Variants in MIS18A observed in about 807,000 individuals in gnomAD.
MIS18A encodes the protein MIS18 kinetochore protein A.
Under a neutral mutation model 25.0 loss-of-function variants are expected in MIS18A, and 14 were observed. The observed-to-expected ratio is 0.56, with a 90% CI of 0.37 to 0.88. The LOEUF is 0.88. Ranked by LOEUF, MIS18A falls within the 40% of genes least tolerant of loss-of-function variation. The pLI is 0.00. For synonymous variants in MIS18A, 134 were observed against 118.6 expected, an observed-to-expected ratio of 1.13 and a Z score of -0.84; for missense variants, 292 against 290.8, an observed-to-expected ratio of 1.00 and a Z score of -0.03.
At chr21:32,249,397 A>G in the MIS18A span, among the ~76,000 whole-genome samples, 2 of 152,188 alleles carry the variant, frequency 1.3e-5, no homozygotes, top group Non-Finnish European at 2.9e-5. Flanking sequence ...AGGTGCAGTG[A>G]GCATGCCGCG....
the MIS18A span, among the ~76,000 whole-genome samples, chr21:32,165,307 A>G: frequency 6.6e-6 from 1 of 152,156 alleles, no homozygotes; most frequent in Non-Finnish European, 1.5e-5. Context: ...CTGGGCAACA[A>G]GAATGAAACA....
the MIS18A span, among the ~76,000 whole-genome samples, chr21:32,255,394 C>A: frequency 6.6e-6 from 1 of 151,814 alleles, no homozygotes; most frequent in Non-Finnish European, 1.5e-5. Flanking sequence ...CAATGCCCGG[C>A]TAATTTTTGT....
At position 32,268,808 on chromosome 21, in the gene MIS18A, G is replaced by A; in HGVS notation, c.*229C>T. 1 of 352,908 alleles carries A rather than the reference G, an allele frequency of 2.8e-6. No individual in the cohort carries two copies. Among genetic ancestry groups the A allele is most frequent in the Non-Finnish European group, 5.2e-6 (1 of 192,708 alleles). The allele number at this position is 352,908 out of a possible 1,614,324, so 21.9% of individuals were successfully genotyped here. On this transcript the variant is annotated 3_prime_UTR_variant, in exon 5 of 5. Transcript: ENST00000290130. ...CTACAATTTTGGGTTTTTTTTTTGA[G>A]AGAAGGTCTCACTCTGTTGCCCAGA...
chr21:32,220,638 T>C, the MIS18A span, among the ~76,000 whole-genome samples: 9 of 152,104 alleles, frequency 5.9e-5, no homozygotes, highest in East Asian at 2.0e-4. Context: ...GTTTGACAAA[T>C]TGACAGAAGC....
At chr21:32,214,233 T>C in the MIS18A span, among the ~76,000 whole-genome samples, 1 of 152,118 alleles carries the variant, frequency 6.6e-6, no homozygotes, top group African/African-American at 2.4e-5. Context: ...AAACCCCCAT[T>C]CTCAGATGGG....
At chr21:32,157,223 A>ATTTTTTTTTGTTTTTTTTTTT in the MIS18A span, among the ~76,000 whole-genome samples, 1 of 72,334 alleles carries the variant, frequency 1.4e-5, no homozygotes, top group Non-Finnish European at 2.4e-5. Flanking sequence ...TACCCGGCTA[A>ATTTTTTTTTGTTTTTTTTTTT]TTTTTTTTTT....
At chr21:32,264,955 A>G (rs1310962022), downstream of MIS18A, among the ~76,000 whole-genome samples, 1 of 152,214 alleles carries the variant, frequency 6.6e-6, no homozygotes, top group Non-Finnish European at 1.5e-5. Context: ...AACAGGCACA[A>G]TGTTCTACAA....
chr21:32,204,453 C>T, the MIS18A span, among the ~76,000 whole-genome samples: 9 of 151,530 alleles, frequency 5.9e-5, no homozygotes, highest in African/African-American at 9.7e-5. Flanking sequence ...GCCAAGATCC[C>T]GCCACCGCAC....
chr21:32,245,277 A>G, the MIS18A span, among the ~76,000 whole-genome samples: 3 of 152,230 alleles, frequency 2.0e-5, no homozygotes, highest in Admixed American at 1.3e-4. Flanking sequence ...GGCATCAGTC[A>G]TCGCACTGGG....
the MIS18A span, among the ~76,000 whole-genome samples, chr21:32,233,823 G>A: frequency 1.3e-5 from 2 of 152,120 alleles, no homozygotes; most frequent in South Asian, 4.2e-4. Context: ...ATTGATCCAA[G>A]GAGGAAGACG....
chr21:32,258,256 C>T, the MIS18A span, among the ~76,000 whole-genome samples: 1 of 152,028 alleles, frequency 6.6e-6, no homozygotes, highest in Non-Finnish European at 1.5e-5. Context: ...AATGCTAGTG[C>T]CTTGGGGAAA....
chr21:32,201,768 C>T, the MIS18A span, among the ~76,000 whole-genome samples: 1 of 151,992 alleles, frequency 6.6e-6, no homozygotes, highest in East Asian at 1.9e-4. Flanking sequence ...GAGCTATGAT[C>T]ATGCCATTGC....
At chr21:32,204,333 C>T in the MIS18A span, among the ~76,000 whole-genome samples, 3 of 151,882 alleles carry the variant, frequency 2.0e-5, no homozygotes, top group Non-Finnish European at 4.4e-5. Context: ...CCCATTGCTA[C>T]TAAAACTACA....
the MIS18A span, among the ~76,000 whole-genome samples, chr21:32,227,947 G>T: frequency 1.3e-5 from 2 of 152,138 alleles, no homozygotes; most frequent in Admixed American, 1.3e-4. Context: ...AAACCACATG[G>T]TCATCTCAGT....
At chr21:32,253,929 T>C in the MIS18A span, among the ~76,000 whole-genome samples, 1 of 151,754 alleles carries the variant, frequency 6.6e-6, no homozygotes, top group Non-Finnish European at 1.5e-5. Context: ...GAAAAAAAAA[T>C]CATAAATCCC....
chr21:32,191,705 A>C, the MIS18A span, among the ~76,000 whole-genome samples: 6 of 152,218 alleles, frequency 3.9e-5, no homozygotes, highest in Non-Finnish European at 8.8e-5. Flanking sequence ...GGAGTTCAAG[A>C]CCAGCCTGGC....
At chr21:32,187,247 T>C in the MIS18A span, among the ~76,000 whole-genome samples, 1 of 152,210 alleles carries the variant, frequency 6.6e-6, no homozygotes, top group Non-Finnish European at 1.5e-5. Flanking sequence ...CATCTGGTGT[T>C]GAATTCTTAT....
downstream of MIS18A, among the ~76,000 whole-genome samples, chr21:32,265,275 T>C (rs1325142376): frequency 6.6e-6 from 1 of 152,156 alleles, no homozygotes; most frequent in Non-Finnish European, 1.5e-5. Flanking sequence ...TGGGAGCCCC[T>C]TTCTGGGCTG....
At chr21:32,213,625 G>C in the MIS18A span, among the ~76,000 whole-genome samples, 3 of 152,166 alleles carry the variant, frequency 2.0e-5, no homozygotes, top group African/African-American at 7.2e-5. Flanking sequence ...TCATATTCAA[G>C]TGTTAATTTT....
Sources: allele counts gnomAD v4.1 joint callset (sites outside exome capture counted in the v4.1 genomes callset), GRCh38; gene constraint gnomAD v4.1.1; transcripts MANE v1.5; gene names NCBI Gene and HGNC (gene_info 2026-07-23, HGNC 2026-07-21).